Variants in PRKG1 observed in about 807,000 individuals in gnomAD.
The protein encoded by PRKG1 is cGMP-dependent protein kinase 1.
PRKG1 carries 35 observed loss-of-function variants against 88.1 expected under a neutral mutation model. The observed-to-expected ratio is 0.40, with a 90% CI of 0.30 to 0.53. The LOEUF (loss-of-function observed/expected upper bound fraction) is 0.53, where lower values mean the gene tolerates loss of function less well. Ranked by LOEUF, PRKG1 falls within the 20% of genes least tolerant of loss-of-function variation. The pLI is 0.59. For synonymous variants in PRKG1, 303 were observed against 292.5 expected, an observed-to-expected ratio of 1.04 and a Z score of -0.37; for missense variants, 540 against 839.8, an observed-to-expected ratio of 0.64 and a Z score of 4.41.
chr10:51,833,386 C>A (rs944785234), intron 4 of PRKG1, among the ~76,000 whole-genome samples: 3 of 152,104 alleles, frequency 2.0e-5, no homozygotes, highest in African/African-American at 4.8e-5. Context: ...GCTTGCCAAG[C>A]TTATTGCATA....
chr10:51,426,042 G>C (rs1315655320), intron 2 of PRKG1, among the ~76,000 whole-genome samples: 1 of 152,140 alleles, frequency 6.6e-6, no homozygotes, highest in Non-Finnish European at 1.5e-5. Context: ...TTGGGAGGCC[G>C]AGGCGGGCGG....
rs1312833869 is a variant in PRKG1, at chr10:51,514,048, G to T, written c.592+46212G>T. Among the ~76,000 whole-genome samples the T allele has an allele frequency of 5.2e-4, 75 of 143,066 alleles. 3 individuals are homozygous for T. The allele number at this position is 143,066 out of a possible 152,430, so 93.9% of individuals were successfully genotyped here. ...ACAAAAAACCCTTCAAAAAATCAAT[G>T]AATCCAGGAGCTGGTTTTTTGAAAG... On this transcript the variant is annotated intron_variant, in intron 3 of 17. Coordinates refer to ENST00000373980, the MANE Select transcript of PRKG1 (RefSeq NM_006258.4).
chr10:51,462,554 C>T (rs1839773217), intron 2 of PRKG1, among the ~76,000 whole-genome samples: 1 of 152,050 alleles, frequency 6.6e-6, no homozygotes, highest in Admixed American at 6.5e-5. Context: ...TATAGTGGTG[C>T]CAAAAACCAG....
intron 3 of PRKG1, among the ~76,000 whole-genome samples, chr10:51,540,475 G>A (rs1477165883): frequency 6.6e-6 from 1 of 151,808 alleles, no homozygotes; most frequent in Admixed American, 6.6e-5. Flanking sequence ...CGTATCTTTA[G>A]GTATGATCTA....
At chr10:51,509,487 T>C (rs1473398612) in intron 3 of PRKG1, among the ~76,000 whole-genome samples, 2 of 152,172 alleles carry the variant, frequency 1.3e-5, no homozygotes, top group Admixed American at 6.5e-5. Flanking sequence ...ACAGGACAAA[T>C]TTAAGGTTGG....
chr10:51,802,149 A>G (rs972454357), intron 3 of PRKG1, among the ~76,000 whole-genome samples: 4 of 152,182 alleles, frequency 2.6e-5, no homozygotes, highest in Admixed American at 1.3e-4. Flanking sequence ...CAAGATGTTA[A>G]TCACAACTCT....
chr10:51,617,569 C>T (rs1237425492), intron 3 of PRKG1, among the ~76,000 whole-genome samples: 1 of 152,244 alleles, frequency 6.6e-6, no homozygotes, highest in Middle Eastern at 3.4e-3. Context: ...TGTTTATATA[C>T]ACAAATACAT....
intron 9 of PRKG1, among the ~76,000 whole-genome samples, chr10:52,219,995 A>T (rs1200160170): frequency 6.6e-6 from 1 of 152,206 alleles, no homozygotes; most frequent in African/African-American, 2.4e-5. Context: ...TAAATAAATA[A>T]GCAAAACACA....
At chr10:51,162,661 A>C (rs1846394894) in intron 2 of PRKG1, among the ~76,000 whole-genome samples, 1 of 152,174 alleles carries the variant, frequency 6.6e-6, no homozygotes, top group Non-Finnish European at 1.5e-5. Context: ...TTGTATCACA[A>C]AACACCCATA....
intron 3 of PRKG1, among the ~76,000 whole-genome samples, chr10:51,689,907 T>C (rs1841092677): frequency 6.6e-6 from 1 of 152,196 alleles, no homozygotes; most frequent in Admixed American, 6.5e-5. Context: ...GTGTGCGACA[T>C]TGGTATACTT....
At chr10:51,955,213 G>A (rs1843275416) in intron 5 of PRKG1, among the ~76,000 whole-genome samples, 1 of 152,092 alleles carries the variant, frequency 6.6e-6, no homozygotes, top group African/African-American at 2.4e-5. Flanking sequence ...GAGCTCACTA[G>A]TGGGAAGTTG....
chr10:52,192,431 A>G lies in PRKG1; in HGVS notation c.1076+30468A>G, dbSNP rs543390230. Among the ~76,000 whole-genome samples the G allele has an allele frequency of 1.4e-4, 22 of 152,238 alleles. No individual in the cohort carries two copies. The East Asian group carries it at 4.1e-3, about 28-fold the overall frequency. ...GATAATAATTTTTTAAAATAAATAT[A>G]TTATTTAACTCACAGTATGCTCTAC... is the stretch of plus-strand genomic sequence containing the variant. On this transcript the variant is annotated intron_variant, in intron 9 of 17. Coordinates refer to ENST00000373980, the MANE Select transcript of PRKG1 (RefSeq NM_006258.4).
intron 10 of PRKG1, among the ~76,000 whole-genome samples, chr10:52,254,719 T>A (rs2132406264): frequency 6.6e-6 from 1 of 152,196 alleles, no homozygotes; most frequent in Middle Eastern, 3.4e-3. Flanking sequence ...TCAATTTAGA[T>A]AAATGTAGAT....
At chr10:52,114,571 T>A (rs1294687594) in intron 7 of PRKG1, among the ~76,000 whole-genome samples, 1 of 148,382 alleles carries the variant, frequency 6.7e-6, no homozygotes, top group South Asian at 2.1e-4. Flanking sequence ...TATATATATA[T>A]GTTTTCACTT....
intron 2 of PRKG1, among the ~76,000 whole-genome samples, chr10:51,177,086 C>A (rs1373531575): frequency 1.3e-5 from 2 of 152,224 alleles, no homozygotes; most frequent in East Asian, 3.9e-4. Context: ...TCTAGTTTTT[C>A]TTTCTAACAT....
chr10:51,484,857 G>A (rs1195279812), intron 3 of PRKG1, among the ~76,000 whole-genome samples: 1 of 151,808 alleles, frequency 6.6e-6, no homozygotes, highest in Non-Finnish European at 1.5e-5. Context: ...TACTTGTGTT[G>A]CTGCTGTTGT....
At chr10:52,173,788 C>A (rs559397515) in intron 9 of PRKG1, among the ~76,000 whole-genome samples, 1 of 152,222 alleles carries the variant, frequency 6.6e-6, no homozygotes, top group South Asian at 2.1e-4. Flanking sequence ...TTTAGAAAAC[C>A]TAGATACATT....
intron 3 of PRKG1, among the ~76,000 whole-genome samples, chr10:51,711,910 A>G (rs1239590351): frequency 6.6e-6 from 1 of 152,226 alleles, no homozygotes; most frequent in Admixed American, 6.5e-5. Flanking sequence ...TTCTCTTTAA[A>G]TAGTCTTTCC....
At chr10:51,961,259 G>A (rs1170206514) in intron 5 of PRKG1, among the ~76,000 whole-genome samples, 1 of 152,050 alleles carries the variant, frequency 6.6e-6, no homozygotes, top group Non-Finnish European at 1.5e-5. Flanking sequence ...AGTGGGTTCT[G>A]CTGAACCACA....
Sources: allele counts gnomAD v4.1 joint callset (sites outside exome capture counted in the v4.1 genomes callset), GRCh38; gene constraint gnomAD v4.1.1; transcripts MANE v1.5; gene names NCBI Gene and HGNC (gene_info 2026-07-23, HGNC 2026-07-21).